The following SYTL2 variants were observed in gnomAD, a reference collection of about 807,000 sequenced individuals.
The protein encoded by SYTL2 is synaptotagmin like 2.
Under a neutral mutation model 198.7 loss-of-function variants are expected in SYTL2, and 165 were observed. The ratio of observed to expected loss-of-function variants is 0.83; its 90% CI spans 0.73 to 0.94. SYTL2 has a LOEUF of 0.94. Ranked by LOEUF, SYTL2 falls within the 40% of genes least tolerant of loss-of-function variation. The pLI is 0.00. For missense variants in SYTL2, 2,835 were observed against 2,582.8 expected, an observed-to-expected ratio of 1.10 and a Z score of -2.12; for synonymous variants, 966 against 917.7, an observed-to-expected ratio of 1.05 and a Z score of -0.95.
At position 85,727,885 on chromosome 11, in the gene SYTL2, AG is replaced by A; in HGVS notation, c.1472del (p.Pro491LeufsTer6). 6.2e-7 allele frequency: 1 copy of A among 1,613,752 alleles called. No individual in the cohort carries two copies. Among genetic ancestry groups the A allele is most frequent in the Admixed American group, 1.7e-5 (1 of 59,966 alleles). ...TCTTAGCTTTTAGAGCCGGGAGAGG[AG>A]GGGGCTTACCTTGCTGACGGTCTCT... ...SSRDRQQGKP[P>X]PLPALKAKTS... is the part of the protein sequence containing the mutation. On this transcript the variant is annotated frameshift_variant, in exon 8 of 20. Transcript: ENST00000359152. LOFTEE classifies it high-confidence loss of function.
At chr11:85,829,059 T>TTTTG in the SYTL2 span, among the ~76,000 whole-genome samples, 73 of 149,520 alleles carry the variant, frequency 4.9e-4, no homozygotes, top group African/African-American at 1.7e-3. Flanking sequence ...GTTTTTTTTT[T>TTTTG]TTTGTTTGTT....
intron 1 of SYTL2, among the ~76,000 whole-genome samples, chr11:85,800,320 G>A (rs1002830000): frequency 6.6e-6 from 1 of 152,140 alleles, no homozygotes; most frequent in African/African-American, 2.4e-5. Flanking sequence ...CTGCCGCCCA[G>A]GCTGGAGTTC....
chr11:85,710,461 G>A (rs1341585412), intron 13 of SYTL2, among the ~76,000 whole-genome samples: 1 of 152,192 alleles, frequency 6.6e-6, no homozygotes, highest in East Asian at 1.9e-4. Flanking sequence ...ATACTTGGGT[G>A]AATATATGTA....
At chr11:85,839,879 G>A in the SYTL2 span, among the ~76,000 whole-genome samples, 240 of 152,266 alleles carry the variant, frequency 1.6e-3, no homozygotes, top group Non-Finnish European at 3.1e-3. Context: ...CATAGTGGTT[G>A]TACTAATTTA....
chr11:85,784,075 A>C (rs1392193117), intron 1 of SYTL2, among the ~76,000 whole-genome samples: 3 of 152,202 alleles, frequency 2.0e-5, no homozygotes, highest in Non-Finnish European at 1.5e-5. Context: ...CAGGCTTCCT[A>C]GTATGACCCA....
the SYTL2 span, among the ~76,000 whole-genome samples, chr11:85,827,301 G>A: frequency 6.6e-6 from 1 of 152,156 alleles, no homozygotes; most frequent in African/African-American, 2.4e-5. Flanking sequence ...TGGAGCAGTT[G>A]GGAAGCACTG....
At chr11:85,825,162 G>A in the SYTL2 span, among the ~76,000 whole-genome samples, 1 of 152,144 alleles carries the variant, frequency 6.6e-6, no homozygotes, top group South Asian at 2.1e-4. Context: ...GCCGAGGCGG[G>A]CGGATCACGA....
chr11:85,802,958 A>C (rs978302751), intron 1 of SYTL2, among the ~76,000 whole-genome samples: 1 of 152,184 alleles, frequency 6.6e-6, no homozygotes, highest in East Asian at 1.9e-4. Flanking sequence ...AGTGGCCTCT[A>C]TGGGAAACAT....
Position 85,727,236 on chromosome 11 carries a change from C to T in SYTL2, c.2122G>A (p.Gly708Arg), listed in dbSNP as rs778974258. The T allele has an allele frequency of 9.8e-6, 15 of 1,535,702 alleles. No individual in the cohort carries two copies. Among genetic ancestry groups the T allele is most frequent in the Non-Finnish European group, 1.2e-5 (14 of 1,146,854 alleles). ...PKFHAHEENR[G>R]HSEVNFDSST... ...GAGTCAAAATTCACTTCTGAGTGTC[C>T]TCTATTTTCTTCATGAGCATGAAAC... The change falls in exon 8 of 20, where the codon GGA becomes AGA. Residue 708 changes from glycine to arginine, a missense_variant. Gly to Arg is a moderately radical substitution (Grantham distance 125). Coordinates refer to ENST00000359152, the MANE Select transcript of SYTL2 (RefSeq NM_206927.4).
chr11:85,774,771 A>G (rs998523789), intron 1 of SYTL2, among the ~76,000 whole-genome samples: 3 of 152,202 alleles, frequency 2.0e-5, no homozygotes, highest in African/African-American at 7.2e-5. Context: ...AGAGCTTTAT[A>G]GTATTAATCA....
intron 1 of SYTL2, among the ~76,000 whole-genome samples, chr11:85,790,970 C>A (rs2092719732): frequency 6.6e-6 from 1 of 151,874 alleles, no homozygotes; most frequent in Non-Finnish European, 1.5e-5. Context: ...TTGAGACCAG[C>A]TTGACCAACA....
At chr11:85,826,651 CT>C in the SYTL2 span, among the ~76,000 whole-genome samples, 1 of 152,204 alleles carries the variant, frequency 6.6e-6, no homozygotes, top group Non-Finnish European at 1.5e-5. Flanking sequence ...CTGATACTTG[CT>C]GAGCCTCTAA....
intron 17 of SYTL2, among the ~76,000 whole-genome samples, chr11:85,699,036 T>C (rs2083850328): frequency 6.6e-6 from 1 of 152,220 alleles, no homozygotes; most frequent in African/African-American, 2.4e-5. Flanking sequence ...TGAGGATCTA[T>C]CATAAGCTCA....
chr11:85,719,424 T>G, intron 9 of SYTL2: 1 of 678,256 alleles, frequency 1.5e-6, no homozygotes, highest in Non-Finnish European at 1.9e-6. Context: ...TATACATTCC[T>G]GAGTACTTTA....
chr11:85,726,797 G>A lies in SYTL2; in HGVS notation c.2561C>T (p.Pro854Leu). ...ATCCTCATCTAAGACCACTCGTTTGGGAATGGCCTGATTATATTCACTCTG... is the reference window on the plus strand; with the variant it reads ...ATCCTCATCTAAGACCACTCGTTTGAGAATGGCCTGATTATATTCACTCTG... ...TDQSEYNQAI[P>L]KRVVLDEDDQ... Residue 854 changes from proline to leucine, a missense_variant, in exon 8 of 20, where the codon CCC (proline) becomes CTC (leucine). Pro to Leu is a moderately conservative substitution (Grantham distance 98). Transcript: ENST00000359152. 1 of 1,536,146 alleles carries A rather than the reference G, an allele frequency of 6.5e-7. No individual in the cohort carries two copies. Among genetic ancestry groups the A allele is most frequent in the Non-Finnish European group, 8.7e-7 (1 of 1,146,880 alleles).
intron 1 of SYTL2, among the ~76,000 whole-genome samples, chr11:85,766,657 A>T (rs1200465433): frequency 6.6e-6 from 1 of 152,298 alleles, no homozygotes; most frequent in Non-Finnish European, 1.5e-5. Context: ...ATTCTGGAAG[A>T]GGGTAATTTG....
the SYTL2 span, among the ~76,000 whole-genome samples, chr11:85,850,350 C>G: frequency 6.6e-6 from 1 of 152,148 alleles, no homozygotes; most frequent in Non-Finnish European, 1.5e-5. Context: ...ACAACCCCAT[C>G]AAAAAGCGGG....
intron 1 of SYTL2, among the ~76,000 whole-genome samples, chr11:85,800,884 T>C (rs982251276): frequency 6.6e-6 from 1 of 152,214 alleles, no homozygotes; most frequent in Non-Finnish European, 1.5e-5. Flanking sequence ...TGTCTTCACA[T>C]TGAGGCACCT....
chr11:85,708,311 T>C (rs1392609637), intron 14 of SYTL2, among the ~76,000 whole-genome samples: 3 of 152,134 alleles, frequency 2.0e-5, no homozygotes, highest in East Asian at 3.8e-4. Flanking sequence ...AGTAAATACC[T>C]AGTCAAGTTA....
Sources: allele counts gnomAD v4.1 joint callset (sites outside exome capture counted in the v4.1 genomes callset), GRCh38; gene constraint gnomAD v4.1.1; transcripts MANE v1.5; gene names NCBI Gene and HGNC (gene_info 2026-07-23, HGNC 2026-07-21).